The following FARSA variants were observed in gnomAD, a reference collection of about 807,000 sequenced individuals.
FARSA encodes phenylalanine--tRNA ligase alpha subunit.
A neutral mutation model predicts 63.2 loss-of-function variants in FARSA; 37 were observed. The observed-to-expected ratio is 0.59, with a 90% CI of 0.45 to 0.77. The LOEUF is 0.77. Among genes scored for constraint, FARSA ranks in the 30% least tolerant of loss-of-function variants. FARSA has a pLI of 0.00. For missense variants in FARSA, 618 were observed against 696.6 expected (o/e 0.89, Z 1.27); for synonymous variants, 312 against 285.1 (o/e 1.09, Z -0.95).
At chr19:12,927,612 A>C (rs1287266468) in intron 7 of FARSA, among the ~76,000 whole-genome samples, 1 of 151,130 alleles carries the variant, frequency 6.6e-6, no homozygotes, top group East Asian at 2.0e-4. Flanking sequence ...GGTGCCTGTA[A>C]TCCCAGCTAC....
intron 7 of FARSA, among the ~76,000 whole-genome samples, chr19:12,926,032 G>A (rs1485965874): frequency 7.3e-5 from 11 of 150,734 alleles, no homozygotes; most frequent in East Asian, 2.0e-4. Context: ...GCAGTGGCGC[G>A]ATCTCGGCTC....
rs991057929 is a variant in FARSA at position 12,924,353 on chromosome 19, G to A, written c.1274-88C>T. 7 of 1,528,560 alleles carry A rather than the reference G, an allele frequency of 4.6e-6. No homozygotes were observed. Among genetic ancestry groups the A allele is most frequent in the Middle Eastern group, 1.7e-4 (1 of 5,914 alleles). The allele number at this position is 1,528,560 out of a possible 1,614,324, so 94.7% of individuals were successfully genotyped here. A position where few individuals can be genotyped will look rare whatever the true frequency, so the allele number is the denominator to read the frequency against. ...GGTTCTGGGTCTAGGTGGTGAGCTT[G>A]GGAGGTGGGGTACAGGCATGGCAAT... is the stretch of plus-strand genomic sequence containing the variant. On this transcript the variant is annotated intron_variant, in intron 11 of 12. Coordinates refer to ENST00000314606, the MANE Select transcript of FARSA (RefSeq NM_004461.3). The surrounding 1 kb of genome is among the most constrained non-coding windows in gnomAD (Gnocchi z 6.4).
intron 12 of FARSA, among the ~76,000 whole-genome samples, chr19:12,923,870 C>T (rs1355105719): frequency 6.6e-6 from 1 of 152,216 alleles, no homozygotes. Context: ...CCTTGGCCTC[C>T]CACAGCACTG....
At position 12,928,413 on chromosome 19, in the gene FARSA, C is replaced by T; in HGVS notation, c.770G>A (p.Trp257Ter). 6.2e-7 allele frequency: 1 copy of T among 1,614,060 alleles called. No homozygotes were observed. The highest frequency in any genetic ancestry group is 8.5e-7 in the Non-Finnish European group (1 of 1,180,030). ...PTDNFIESSF[W>*]NFDALFQPQQ... ...GGGCTGGAAGAGGGCGTCAAAGTTC[C>T]AGAAGGAGCTCTCAATGAAGTTATC... Residue 257 changes from tryptophan to a stop codon, truncating the protein, a stop_gained, in exon 7 of 13, where the codon TGG becomes TAG. Transcript: ENST00000314606. LOFTEE classifies it high-confidence loss of function.
intron 7 of FARSA, among the ~76,000 whole-genome samples, chr19:12,925,892 C>T (rs899758301): frequency 6.6e-6 from 1 of 152,150 alleles, no homozygotes; most frequent in Non-Finnish European, 1.5e-5. Context: ...AGGCTGGTCT[C>T]GAACTCCTGA....
chr19:12,929,181 A>G (rs1315231153), intron 4 of FARSA, among the ~76,000 whole-genome samples: 1 of 152,128 alleles, frequency 6.6e-6, no homozygotes, highest in African/African-American at 2.4e-5. Flanking sequence ...AAGCCCCGGA[A>G]AGAGGGCAGT....
chr19:12,933,413 C>T (rs1192832879), intron 1 of FARSA, 137 bp downstream of exon 1: 6 of 1,034,088 alleles, frequency 5.8e-6, no homozygotes, highest in East Asian at 5.8e-5. Context: ...CACTTCCCGC[C>T]CGCACATCCC....
Position 12,933,663 on chromosome 19 carries a change from G to C in FARSA, c.34C>G (p.Arg12Gly), listed in dbSNP as rs373455085. 9.6e-6 allele frequency: 15 copies of C among 1,570,288 alleles called. No homozygotes were observed. In the East Asian group the frequency reaches 2.8e-4, roughly 29 times the overall value. The change falls in exon 1 of 13, where the codon CGG (arginine) becomes GGG (glycine). Residue 12 changes from arginine to glycine, a missense_variant. Coordinates refer to ENST00000314606, the MANE Select transcript of FARSA (RefSeq NM_004461.3). ...ADGQVAELLL[R>G]RLEASDGGLD... The stretch of plus-strand genomic sequence containing the variant: ...CCGCCATCAGACGCCTCCAGCCGCC[G>C]GAGCAGCAGTTCCGCCACCTGACCA...
intron 12 of FARSA, among the ~76,000 whole-genome samples, chr19:12,923,792 T>C (rs2145993112): frequency 6.6e-6 from 1 of 152,294 alleles, no homozygotes; most frequent in South Asian, 2.1e-4. Context: ...TTTTTATTCT[T>C]TGTAGAGGCG....
At position 12,930,661 on chromosome 19, in the gene FARSA, C is replaced by T. The variant is rs950716095; in HGVS notation, c.236G>A (p.Arg79His). 3.1e-6 allele frequency: 5 copies of T among 1,613,604 alleles called. No individual in the cohort carries two copies. The highest frequency in any genetic ancestry group is 2.2e-5 in the East Asian group (1 of 44,898). ...EIAREGSHEA[R>H]VFRSIPPEGL... ...CTCTGGGGGAATGCTTCGAAACACA[C>T]GGGCCTCATGGCTGCCCTCCCGGGC... The change falls in exon 2 of 13, where the codon CGT (arginine) becomes CAT (histidine). Residue 79 changes from arginine to histidine, a missense_variant. Arg to His is a conservative substitution (Grantham distance 29). Transcript: ENST00000314606.
chr19:12,932,124 G>A (rs980428110), intron 1 of FARSA, among the ~76,000 whole-genome samples: 2 of 140,648 alleles, frequency 1.4e-5, no homozygotes, highest in Non-Finnish European at 3.0e-5. Context: ...TCCACCTCCC[G>A]ATTCAAACAA....
intron 4 of FARSA, 81 bp downstream of exon 4, chr19:12,930,142 G>C: frequency 8.9e-7 from 1 of 1,128,060 alleles, no homozygotes; most frequent in Non-Finnish European, 1.3e-6. Flanking sequence ...CTTGGTGTGG[G>C]CAAGATGTCT....
chr19:12,930,273 C>G lies in FARSA; in HGVS notation c.453G>C (p.Leu151=). 6.2e-7 allele frequency: 1 copy of G among 1,614,150 alleles called. No homozygotes were observed. The highest frequency in any genetic ancestry group is 1.1e-5 in the South Asian group (1 of 91,090). The change falls in exon 4 of 13, where the codon CTG becomes CTC. Residue 151 remains leucine (L), a synonymous_variant. Coordinates refer to ENST00000314606, the MANE Select transcript of FARSA (RefSeq NM_004461.3). ...TCAGCTCGCTCCTCTCCTTCTCCCCCAGCTTCTCAGCCTGTCCCCCCCGGA... is the reference window on the plus strand; with the variant it reads ...TCAGCTCGCTCCTCTCCTTCTCCCCGAGCTTCTCAGCCTGTCCCCCCCGGA... ...QLVRGGQAEK[L]GEKERSELRK...
intron 1 of FARSA, among the ~76,000 whole-genome samples, chr19:12,930,966 G>C (rs1433868858): frequency 6.6e-6 from 1 of 152,172 alleles, no homozygotes; most frequent in Non-Finnish European, 1.5e-5. Context: ...AATAATGATA[G>C]TTTACACCTC....
chr19:12,925,269 G>A (rs1395407755), intron 7 of FARSA, 95 bp from the exon 8 acceptor site: 9 of 1,026,974 alleles, frequency 8.8e-6, no homozygotes, highest in East Asian at 7.8e-5. Context: ...AGGCTGGAGT[G>A]CGGTGGTGCA....
chr19:12,931,940 G>A (rs542130003), intron 1 of FARSA, among the ~76,000 whole-genome samples: 24 of 152,284 alleles, frequency 1.6e-4, no homozygotes, highest in African/African-American at 5.5e-4. Flanking sequence ...ATAAGAGAAA[G>A]GTGTGATGGG....
Position 12,924,634 on chromosome 19 carries a change from C to T in FARSA, c.1195+5G>A, listed in dbSNP as rs113303874. On this transcript the variant is annotated splice_donor_5th_base_variant and intron_variant, in intron 10 of 12. Transcript: ENST00000314606. The surrounding 1 kb of genome is among the most constrained non-coding windows in gnomAD (Gnocchi z 6.4). ...ACCATGGCCCACCCCTGCCCCCCTG[C>T]TCACCCAGCTTGGTGAAGAACTCCC... 24 of 1,606,248 alleles carry T rather than the reference C, an allele frequency of 1.5e-5. No individual in the cohort carries two copies. Among genetic ancestry groups the T allele is most frequent in the African/African-American group, 1.1e-4 (8 of 74,988 alleles).
chr19:12,928,401 G>T lies in FARSA; in HGVS notation c.782C>A (p.Ala261Asp). The stretch of plus-strand genomic sequence containing the variant: ...TGGGTGCTGCTGGGGCTGGAAGAGG[G>T]CGTCAAAGTTCCAGAAGGAGCTCTC... ...FIESSFWNFD[A>D]LFQPQQHPAR... Residue 261 changes from alanine (A) to aspartate (D), a missense_variant, in exon 7 of 13, where the codon GCC (alanine) becomes GAC (aspartate). Coordinates refer to ENST00000314606, the MANE Select transcript of FARSA (RefSeq NM_004461.3). 2 of 1,614,156 alleles carry T rather than the reference G, an allele frequency of 1.2e-6. No individual in the cohort carries two copies. Among genetic ancestry groups the T allele is most frequent in the Non-Finnish European group, 8.5e-7 (1 of 1,180,038 alleles).
intron 4 of FARSA, among the ~76,000 whole-genome samples, chr19:12,929,269 C>T (rs748018645): frequency 3.3e-5 from 5 of 152,168 alleles, no homozygotes; most frequent in South Asian, 2.1e-4. Flanking sequence ...TGCAATGGCA[C>T]GGTCTCAGCT....
Sources: allele counts gnomAD v4.1 joint callset (sites outside exome capture counted in the v4.1 genomes callset), GRCh38; gene constraint gnomAD v4.1.1; non-coding constraint Gnocchi (gnomAD v3.1); transcripts MANE v1.5; gene names NCBI Gene and HGNC (gene_info 2026-07-23, HGNC 2026-07-21).